The following GFOD1 variants were observed in gnomAD, a reference collection of about 807,000 sequenced individuals.
The protein encoded by GFOD1 is glucose-fructose oxidoreductase domain-containing protein 1.
In GFOD1, 9 loss-of-function variants were observed where a neutral mutation model predicts 25.4. That is an observed-to-expected ratio of 0.35 (90% CI 0.21 to 0.62). The LOEUF (loss-of-function observed/expected upper bound fraction) is 0.62, where lower values mean the gene tolerates loss of function less well. Among genes scored for constraint, GFOD1 ranks in the 20% least tolerant of loss-of-function variants. GFOD1 has a pLI of 0.72. For missense variants in GFOD1, 403 were observed against 556.9 expected (o/e 0.72, Z 2.78); for synonymous variants, 253 against 245.6 (o/e 1.03, Z -0.28).
At chr6:13,483,202 G>C (rs1278561542) in intron 1 of GFOD1, among the ~76,000 whole-genome samples, 1 of 152,054 alleles carries the variant, frequency 6.6e-6, no homozygotes, top group Non-Finnish European at 1.5e-5. Context: ...TGAGACAACA[G>C]AAGGGTATGT....
chr6:13,409,175 G>GAGGAAAGAAAGGAA (rs1562209543), intron 1 of GFOD1, among the ~76,000 whole-genome samples: 1 of 33,610 alleles, frequency 3.0e-5, no homozygotes, highest in African/African-American at 5.9e-5. Flanking sequence ...AGGAAAGAGA[G>GAGGAAAGAAAGGAA]AGAGAGAGAG....
At chr6:13,486,024 G>T in intron 1 of GFOD1, 6 of 983,830 alleles carry the variant, frequency 6.1e-6, no homozygotes, top group Non-Finnish European at 6.0e-6. Flanking sequence ...CAGCGCAGAC[G>T]AAATAATTCC....
rs1476226675 is a variant in GFOD1 at position 13,363,732 on chromosome 6, C to T, written c.*1011G>A. On this transcript the variant is annotated 3_prime_UTR_variant, in exon 2 of 2. Coordinates refer to ENST00000379287, the MANE Select transcript of GFOD1 (RefSeq NM_018988.4). ...CTCCTGGCTAGGCTCACTTTACCCTCTATTTAGGAATTCACACTGCAACAC... is the reference window on the plus strand; with the variant it reads ...CTCCTGGCTAGGCTCACTTTACCCTTTATTTAGGAATTCACACTGCAACAC... 1 of 152,048 alleles carries T rather than the reference C, an allele frequency of 6.6e-6. No individual in the cohort carries two copies. Among genetic ancestry groups the T allele is most frequent in the East Asian group, 1.9e-4 (1 of 5,180 alleles). The allele number at this position is 152,048 out of a possible 1,614,324, so 9.4% of individuals were successfully genotyped here.
rs114420138 is a variant in GFOD1, at chr6:13,386,425, C to A, written c.254-20763G>T. ...CTGGCCTGACTGTGAAGGAATCTCG[C>A]GTACTTCGGAGGACATGCGGCTGTC... On this transcript the variant is annotated intron_variant, in intron 1 of 1. Coordinates refer to ENST00000379287, the MANE Select transcript of GFOD1 (RefSeq NM_018988.4). Among the ~76,000 whole-genome samples the A allele has an allele frequency of 8.1e-3, 1,234 of 152,322 alleles. 16 individuals carry two copies. Among genetic ancestry groups the A allele is most frequent in the African/African-American group, 0.024 (987 of 41,572 alleles).
intron 1 of GFOD1, among the ~76,000 whole-genome samples, chr6:13,396,932 A>G (rs2127562513): frequency 6.6e-6 from 1 of 152,330 alleles, no homozygotes; most frequent in Non-Finnish European, 1.5e-5. Flanking sequence ...CAGCAAGGGA[A>G]ACTCATATAC....
At chr6:13,437,488 G>T (rs1757851973) in intron 1 of GFOD1, among the ~76,000 whole-genome samples, 1 of 152,180 alleles carries the variant, frequency 6.6e-6, no homozygotes, top group Non-Finnish European at 1.5e-5. Context: ...TTGAAATGTG[G>T]TTAGTGCAAC....
chr6:13,401,496 T>C (rs1337800600), intron 1 of GFOD1, among the ~76,000 whole-genome samples: 1 of 152,180 alleles, frequency 6.6e-6, no homozygotes, highest in Non-Finnish European at 1.5e-5. Context: ...CATACAAGTA[T>C]TTATGGATAA....
chr6:13,364,495 C>A lies in GFOD1; in HGVS notation c.*248G>T. ...ACCAAACCACTCTCGTGCAAATACC[C>A]AGCAGGGATCATCCCAGGAATGGCA... On this transcript the variant is annotated 3_prime_UTR_variant, in exon 2 of 2. Coordinates refer to ENST00000379287, the MANE Select transcript of GFOD1 (RefSeq NM_018988.4). The surrounding 1 kb of genome is among the most constrained non-coding windows in gnomAD (Gnocchi z 4.1). 1.8e-6 allele frequency: 1 copy of A among 549,084 alleles called. No individual in the cohort carries two copies. The highest frequency in any genetic ancestry group is 3.3e-6 in the Non-Finnish European group (1 of 306,818). The allele number at this position is 549,084 out of a possible 1,614,324, so 34.0% of individuals were successfully genotyped here. A position where few individuals can be genotyped will look rare whatever the true frequency, so the allele number is the denominator to read the frequency against.
chr6:13,388,325 A>G (rs1340689278), intron 1 of GFOD1, among the ~76,000 whole-genome samples: 5 of 152,250 alleles, frequency 3.3e-5, no homozygotes, highest in Non-Finnish European at 5.9e-5. Flanking sequence ...AAGCAAAAAG[A>G]ACAAAGCTGG....
rs72062296 is a variant in GFOD1 at position 13,363,555 on chromosome 6, CTTTTTTTTT to C, written c.*1179_*1187del. 8 of 78,942 alleles carry C rather than the reference CTTTTTTTTT, an allele frequency of 1.0e-4. No individual in the cohort carries two copies. Among genetic ancestry groups the C allele is most frequent in the African/African-American group, 2.8e-4 (6 of 21,176 alleles). 4.9% of individuals were successfully genotyped at this position (78,942 alleles called of 1,614,324 possible). A position where few individuals can be genotyped will look rare whatever the true frequency, so the allele number is the denominator to read the frequency against. On this transcript the variant is annotated 3_prime_UTR_variant, in exon 2 of 2. Transcript: ENST00000379287. Reference sequence around the variant, plus strand: ...GCAAATGCTGGAGCTAAGGAAAATCCTTTTTTTTTTTTTTTTTTTTTTTTTTTTTGTAAG... The same window carrying C: ...GCAAATGCTGGAGCTAAGGAAAATCCTTTTTTTTTTTTTTTTTTTTGTAAG...
At chr6:13,396,706 G>A (rs1394104035) in intron 1 of GFOD1, among the ~76,000 whole-genome samples, 1 of 152,160 alleles carries the variant, frequency 6.6e-6, no homozygotes, top group Admixed American at 6.5e-5. Context: ...TGTCCTGGAA[G>A]CAAGAGGTTG....
Position 13,486,734 on chromosome 6 carries a change from T to C in GFOD1, c.157A>G (p.Ser53Gly), listed in dbSNP as rs751571180. The C allele has an allele frequency of 6.2e-7, 1 of 1,614,078 alleles. No individual in the cohort carries two copies. Among genetic ancestry groups the C allele is most frequent in the Non-Finnish European group, 8.5e-7 (1 of 1,179,988 alleles). Residue 53 changes from serine (S) to glycine (G), a missense_variant, in exon 1 of 2, where the codon AGC becomes GGC. By Grantham distance (56) the Ser-to-Gly change is moderately conservative (BLOSUM62 0). Transcript: ENST00000379287. Reference sequence around the variant, plus strand: ...TGCAGCAGCACCTCATCAATGCGGCTAGTGTAGAAGGGGACACTCATCTCC... The same window carrying C: ...TGCAGCAGCACCTCATCAATGCGGCCAGTGTAGAAGGGGACACTCATCTCC... ...AKEMSVPFYT[S>G]RIDEVLLHQD...
chr6:13,469,457 C>T, intron 1 of GFOD1: 1 of 988,492 alleles, frequency 1.0e-6, no homozygotes, highest in African/African-American at 1.7e-5. Flanking sequence ...CCAGTTCAGT[C>T]ACCATTTCCC....
At chr6:13,444,106 T>A (rs1757963225) in intron 1 of GFOD1, among the ~76,000 whole-genome samples, 1 of 152,092 alleles carries the variant, frequency 6.6e-6, no homozygotes, top group South Asian at 2.1e-4. Context: ...ATGGAATCGA[T>A]CTAAATGCTC....
chr6:13,483,957 C>T (rs1418700064), intron 1 of GFOD1, among the ~76,000 whole-genome samples: 1 of 152,174 alleles, frequency 6.6e-6, no homozygotes, highest in African/African-American at 2.4e-5. Flanking sequence ...GCCTGGCATA[C>T]AGTATGTACT....
intron 1 of GFOD1, among the ~76,000 whole-genome samples, chr6:13,466,135 T>C (rs1263189597): frequency 1.3e-5 from 2 of 152,190 alleles, no homozygotes; most frequent in Non-Finnish European, 2.9e-5. Context: ...TACAGGCAAG[T>C]CTCCACTGGC....
intron 1 of GFOD1, among the ~76,000 whole-genome samples, chr6:13,372,917 C>T (rs188124581): frequency 5.9e-5 from 9 of 152,366 alleles, no homozygotes; most frequent in African/African-American, 2.2e-4. Flanking sequence ...GCTAGTTCTG[C>T]AGGCTGGCTT....
At position 13,485,936 on chromosome 6, in the gene GFOD1, T is replaced by C. The variant is rs191723495; in HGVS notation, c.253+702A>G. ...ACCCCCTGGTTTTACCAAATCAGTC[T>C]TTACTAACCTATGACGCCTCTGAAA... is the stretch of plus-strand genomic sequence containing the variant. On this transcript the variant is annotated intron_variant, in intron 1 of 1. Transcript: ENST00000379287. The C allele has an allele frequency of 1.3e-3, 969 of 755,262 alleles. 1 individual carries two copies. Among genetic ancestry groups the C allele is most frequent in the Non-Finnish European group, 1.5e-3 (935 of 619,586 alleles). The allele number at this position is 755,262 out of a possible 1,614,324, so 46.8% of individuals were successfully genotyped here.
At chr6:13,388,468 G>A (rs1028145449) in intron 1 of GFOD1, among the ~76,000 whole-genome samples, 2 of 152,082 alleles carry the variant, frequency 1.3e-5, no homozygotes, top group East Asian at 1.9e-4. Context: ...ACACATCTAC[G>A]ACCATCTGAT....
Sources: gnomAD v4.1 joint callset for allele counts (sites outside exome capture counted in the v4.1 genomes callset) on GRCh38, gnomAD v4.1.1 for gene constraint, Gnocchi (gnomAD v3.1) non-coding constraint, MANE v1.5 for transcripts, NCBI Gene and HGNC (gene_info 2026-07-23, HGNC 2026-07-21) for gene names.